NRG1: variants seen among roughly 807,000 people sequenced by gnomAD.
The protein encoded by NRG1 is neuregulin 1.
Under a neutral mutation model 63.8 loss-of-function variants are expected in NRG1, and 18 were observed. That is an observed-to-expected ratio of 0.28 (90% CI 0.19 to 0.42). The LOEUF (loss-of-function observed/expected upper bound fraction) is 0.42, where lower values mean the gene tolerates loss of function less well. NRG1 is among the 10% of genes least tolerant of loss of function. NRG1 has a pLI of 1.00. For synonymous variants in NRG1, 302 were observed against 301.3 expected (o/e 1.00, Z -0.02); for missense variants, 762 against 814.7 (o/e 0.94, Z 0.79).
At chr8:31,965,135 G>GGT (rs939077373) in intron 1 of NRG1, among the ~76,000 whole-genome samples, 1 of 151,452 alleles carries the variant, frequency 6.6e-6, no homozygotes, top group African/African-American at 2.4e-5. Flanking sequence ...TGTATTCCAT[G>GGT]GCATATATAT....
chr8:32,161,448 G>A (rs776159471), intron 1 of NRG1, among the ~76,000 whole-genome samples: 9 of 151,910 alleles, frequency 5.9e-5, no homozygotes, highest in South Asian at 2.1e-4. Context: ...AATTAATTAC[G>A]GAAGTTATAG....
intron 1 of NRG1, among the ~76,000 whole-genome samples, chr8:32,217,443 G>A (rs1845365883): frequency 6.6e-6 from 1 of 151,972 alleles, no homozygotes; most frequent in Non-Finnish European, 1.5e-5. Flanking sequence ...ATTTCTCTAA[G>A]CCAAGAGCTG....
chr8:31,665,771 C>G (rs141565087), intron 1 of NRG1, among the ~76,000 whole-genome samples: 1 of 152,124 alleles, frequency 6.6e-6, no homozygotes, highest in African/African-American at 2.4e-5. Flanking sequence ...ATCCTGGATG[C>G]CTTAATGAAA....
intron 5 of NRG1, 52 bp downstream of exon 5, chr8:32,616,937 T>G (rs1847482109): frequency 1.5e-6 from 2 of 1,340,898 alleles, no homozygotes; most frequent in South Asian, 2.3e-5. Flanking sequence ...AGGCACTATC[T>G]GCTTTGGAAG....
chr8:32,728,018 T>C (rs539540040), exon 6 of NRG1: 1 of 1,614,112 alleles, frequency 6.2e-7, no homozygotes. Context: ...ACTTTCTGTG[T>C]GAATGGAGGG....
chr8:31,960,942 T>A (rs1475191991), intron 1 of NRG1, among the ~76,000 whole-genome samples: 3 of 152,252 alleles, frequency 2.0e-5, no homozygotes, highest in Non-Finnish European at 4.4e-5. Context: ...TTAGGTTTGC[T>A]TTAGCGATTT....
intron 5 of NRG1, among the ~76,000 whole-genome samples, chr8:32,711,315 A>C (rs1817748387): frequency 6.6e-6 from 1 of 151,852 alleles, no homozygotes; most frequent in African/African-American, 2.4e-5. Context: ...AATGTCTGGC[A>C]CATAGTAGAT....
chr8:32,728,023 G>A (rs1822663492), exon 6 of NRG1: 1 of 1,613,972 alleles, frequency 6.2e-7, no homozygotes, highest in Non-Finnish European at 8.5e-7. Flanking sequence ...CTGTGTGAAT[G>A]GAGGGGAGTG....
chr8:31,820,232 G>T (rs1823874362), intron 1 of NRG1, among the ~76,000 whole-genome samples: 1 of 152,160 alleles, frequency 6.6e-6, no homozygotes, highest in Non-Finnish European at 1.5e-5. Context: ...ATCCCCATGG[G>T]CAGCAGTGTT....
chr8:32,712,031 C>A (rs976329644), intron 5 of NRG1, among the ~76,000 whole-genome samples: 4 of 152,056 alleles, frequency 2.6e-5, no homozygotes, highest in South Asian at 4.1e-4. Context: ...ATTATTATTA[C>A]CCTTACCGTA....
intron 1 of NRG1, among the ~76,000 whole-genome samples, chr8:32,363,340 G>A (rs1454105090): frequency 6.6e-6 from 1 of 152,144 alleles, no homozygotes; most frequent in Non-Finnish European, 1.5e-5. Flanking sequence ...CTATTCGAGT[G>A]CATTGAAATG....
At chr8:31,858,874 A>G (rs1828204296) in intron 1 of NRG1, among the ~76,000 whole-genome samples, 1 of 152,164 alleles carries the variant, frequency 6.6e-6, no homozygotes, top group African/African-American at 2.4e-5. Context: ...TGCCATATTC[A>G]CCTGATCTCT....
chr8:32,493,804 C>T (rs991525588), intron 1 of NRG1, among the ~76,000 whole-genome samples: 1 of 152,054 alleles, frequency 6.6e-6, no homozygotes, highest in African/African-American at 2.4e-5. Flanking sequence ...ATGAGTTCCC[C>T]CTGTTGGAGG....
At chr8:32,106,960 C>T (rs767610704) in intron 1 of NRG1, among the ~76,000 whole-genome samples, 14 of 151,966 alleles carry the variant, frequency 9.2e-5, no homozygotes, top group East Asian at 7.7e-4. Context: ...CAGTGGCTCA[C>T]GCCTGTAATC....
chr8:31,948,800 C>T (rs73246722), intron 1 of NRG1, among the ~76,000 whole-genome samples: 2 of 152,178 alleles, frequency 1.3e-5, no homozygotes, highest in Non-Finnish European at 2.9e-5. Flanking sequence ...CCACGAGAAG[C>T]CTTTCCCCTG....
At chr8:32,631,609 AT>A (rs1243266157) in intron 5 of NRG1, among the ~76,000 whole-genome samples, 1 of 152,190 alleles carries the variant, frequency 6.6e-6, no homozygotes, top group Non-Finnish European at 1.5e-5. Flanking sequence ...GGAAATAGTT[AT>A]AGGCAGTTAT....
intron 1 of NRG1, among the ~76,000 whole-genome samples, chr8:31,904,214 A>G (rs182392535): frequency 6.6e-6 from 1 of 152,280 alleles, no homozygotes; most frequent in East Asian, 1.9e-4. Flanking sequence ...GCCCTGAAGA[A>G]CTGACCCTGG....
chr8:32,310,306 G>GA (rs1451046837), intron 1 of NRG1, among the ~76,000 whole-genome samples: 1 of 152,212 alleles, frequency 6.6e-6, no homozygotes, highest in Non-Finnish European at 1.5e-5. Context: ...TTCATGGGCT[G>GA]ATTCTTTCTC....
At chr8:31,712,971 GTCCATCCATCCACCCATCCA>G (rs748338707) in intron 1 of NRG1, among the ~76,000 whole-genome samples, 23,130 of 146,060 alleles carry the variant, frequency 0.16, 1,993 homozygotes, top group Non-Finnish European at 0.19. Context: ...TCATCTCTCT[GTCCATCCATCCACCCATCCA>G]TCCATCCATC....
Sources: gnomAD v4.1 joint callset for allele counts (sites outside exome capture counted in the v4.1 genomes callset) on GRCh38, gnomAD v4.1.1 for gene constraint, MANE v1.5 for transcripts, NCBI Gene and HGNC (gene_info 2026-07-23, HGNC 2026-07-21) for gene names.